Variants in FAM240A observed in about 807,000 individuals in gnomAD.
FAM240A encodes family with sequence similarity 240 member A.
FAM240A carries 8 observed loss-of-function variants against 7.3 expected under a neutral mutation model. The observed-to-expected ratio is 1.09, with a 90% CI of 0.64 to 1.97. The LOEUF is 1.97. FAM240A is among the 30% of genes most tolerant of loss of function. The pLI, the probability that FAM240A is intolerant of heterozygous loss-of-function variation, is 0.00. For missense variants in FAM240A, 90 were observed against 102.2 expected (o/e 0.88, Z 0.52); for synonymous variants, 32 against 35.9 (o/e 0.89, Z 0.38).
Position 46,612,652 on chromosome 3 carries a change from G to A in FAM240A, c.-32G>A, listed in dbSNP as rs1697579272. The A allele has an allele frequency of 6.5e-7, 1 of 1,533,494 alleles. No individual in the cohort carries two copies. The highest frequency in any genetic ancestry group is 1.2e-5 in the South Asian group (1 of 84,018). The allele number at this position is 1,533,494 out of a possible 1,614,324, so 95.0% of individuals were successfully genotyped here. On this transcript the variant is annotated 5_prime_UTR_variant, in exon 1 of 3. Transcript: ENST00000640551. Reference sequence around the variant, plus strand: ...CAGGCGGTCAAGTGCGACACATTTGGTTCGACTGAATCGATGTCTTCACAT... The same window carrying A: ...CAGGCGGTCAAGTGCGACACATTTGATTCGACTGAATCGATGTCTTCACAT...
chr3:46,619,609 TG>T (rs982969231), intron 2 of FAM240A, among the ~76,000 whole-genome samples: 2 of 152,180 alleles, frequency 1.3e-5, no homozygotes, highest in African/African-American at 2.4e-5. Flanking sequence ...TGCAGTCTTC[TG>T]GGGGTCCCAG....
chr3:46,612,765 G>A, intron 1 of FAM240A, 67 bp downstream of exon 1: 2 of 1,299,568 alleles, frequency 1.5e-6, no homozygotes, highest in African/African-American at 1.5e-5. Context: ...GTTATGGTTT[G>A]TCCAAGTTGG....
chr3:46,620,296 C>T (rs1697680117), intron 2 of FAM240A, among the ~76,000 whole-genome samples: 1 of 144,110 alleles, frequency 6.9e-6, no homozygotes, highest in Non-Finnish European at 1.5e-5. Flanking sequence ...ACAGCTCCTG[C>T]TGCAGAGCCC....
In FAM240A at chr3:46,625,309, C is replaced by T. The variant is rs1697744131; in HGVS notation, c.*91C>T. ...CAAATTCCTGAGTCCCTTTGCTATA[C>T]CAATCAGCTCTCACACTATTGTTTC... On this transcript the variant is annotated 3_prime_UTR_variant, in exon 3 of 3. Transcript: ENST00000640551. The T allele has an allele frequency of 7.0e-6, 6 of 859,430 alleles. No homozygotes were observed. The highest frequency in any genetic ancestry group is 1.1e-5 in the Non-Finnish European group (6 of 553,090). 53.2% of individuals were successfully genotyped at this position (859,430 alleles called of 1,614,324 possible).
Position 46,612,710 on chromosome 3 carries a change from T to C in FAM240A, c.15+12T>C. The C allele has an allele frequency of 6.5e-7, 1 of 1,533,320 alleles. No individual in the cohort carries two copies. The highest frequency in any genetic ancestry group is 1.4e-5 in the African/African-American group (1 of 73,120). 95.0% of individuals were successfully genotyped at this position (1,533,320 alleles called of 1,614,324 possible). On this transcript the variant is annotated intron_variant, in intron 1 of 2. Transcript: ENST00000640551. ...TGCGGTTGTTCTCTGTAAGTGTTAA[T>C]TAATTTGTTGATTTTGTGAAGTAAA...
At chr3:46,620,395 A>T in intron 2 of FAM240A, among the ~76,000 whole-genome samples, 1 of 80,414 alleles carries the variant, frequency 1.2e-5, no homozygotes, top group Non-Finnish European at 2.9e-5. Flanking sequence ...ATGAAAGTAA[A>T]TTGGATCTAA....
chr3:46,621,697 C>G (rs1286774533), intron 2 of FAM240A, among the ~76,000 whole-genome samples: 8 of 152,104 alleles, frequency 5.3e-5, no homozygotes, highest in African/African-American at 2.4e-5. Context: ...ATCACTTGAG[C>G]CTCGGGAGGT....
At chr3:46,622,089 A>G (rs1697703105) in intron 2 of FAM240A, among the ~76,000 whole-genome samples, 1 of 133,486 alleles carries the variant, frequency 7.5e-6, no homozygotes, top group African/African-American at 2.8e-5. Flanking sequence ...ATCAAGTCTA[A>G]TTTACGAGAA....
At chr3:46,624,264 ATTTT>A (rs59290700) in intron 2 of FAM240A, among the ~76,000 whole-genome samples, 15 of 96,500 alleles carry the variant, frequency 1.6e-4, no homozygotes, top group African/African-American at 3.9e-4. Context: ...ACGGTGGGCT[ATTTT>A]TTTTTTTTTT....
rs567107097 is a variant in FAM240A at position 46,616,259 on chromosome 3, C to T, written c.16-924C>T. On this transcript the variant is annotated intron_variant, in intron 1 of 2. Coordinates refer to ENST00000640551, the MANE Select transcript of FAM240A (RefSeq NM_001195442.2). ...GCAGAGGTCCTGTGGCTGGCCAGGT[C>T]TGTCTCATGTCAACAGCAGGGTCAG... Among the ~76,000 whole-genome samples the T allele has an allele frequency of 2.0e-3, 299 of 152,356 alleles. 2 individuals carry two copies. Among genetic ancestry groups the T allele is most frequent in the Admixed American group, 7.1e-3 (108 of 15,310 alleles).
chr3:46,617,123 T>G, intron 1 of FAM240A, 60 bp from the exon 2 acceptor site: 1 of 1,090,480 alleles, frequency 9.2e-7, no homozygotes, highest in Admixed American at 2.5e-5. Flanking sequence ...TGATGATGAG[T>G]GATGTTGAGC....
At chr3:46,619,829 T>C (rs768504023) in intron 2 of FAM240A, among the ~76,000 whole-genome samples, 7 of 152,186 alleles carry the variant, frequency 4.6e-5, no homozygotes, top group Non-Finnish European at 1.0e-4. Flanking sequence ...AGAAATGCCA[T>C]GTGCAAACAC....
At chr3:46,624,668 C>A (rs980535263) in intron 2 of FAM240A, among the ~76,000 whole-genome samples, 1 of 152,106 alleles carries the variant, frequency 6.6e-6, no homozygotes, top group Non-Finnish European at 1.5e-5. Flanking sequence ...ATGTGTACAT[C>A]CAGATTTCCA....
At chr3:46,614,139 G>A (rs2107138379) in intron 1 of FAM240A, among the ~76,000 whole-genome samples, 1 of 152,138 alleles carries the variant, frequency 6.6e-6, no homozygotes, top group East Asian at 1.9e-4. Context: ...GCCCAGCCTG[G>A]TCTCAAACTA....
chr3:46,616,936 C>A (rs184887543), intron 1 of FAM240A, among the ~76,000 whole-genome samples: 23 of 152,268 alleles, frequency 1.5e-4, no homozygotes, highest in African/African-American at 5.1e-4. Context: ...AATCTCCATA[C>A]TGTTTTCCAA....
intron 1 of FAM240A, among the ~76,000 whole-genome samples, chr3:46,616,690 T>TACAC (rs3087116): frequency 0.076 from 10,960 of 143,488 alleles, 402 homozygotes; most frequent in African/African-American, 0.084. Context: ...AGTATTCCAT[T>TACAC]ACACACACAC....
At chr3:46,616,407 G>GTT (rs1697629171) in intron 1 of FAM240A, among the ~76,000 whole-genome samples, 1 of 152,164 alleles carries the variant, frequency 6.6e-6, no homozygotes, top group African/African-American at 2.4e-5. Flanking sequence ...GTTGTATAGT[G>GTT]TTTAAGTCTT....
intron 1 of FAM240A, among the ~76,000 whole-genome samples, chr3:46,616,206 C>A (rs577507495): frequency 6.6e-6 from 1 of 152,244 alleles, no homozygotes; most frequent in South Asian, 2.1e-4. Context: ...CAGCAGCAAG[C>A]ACTGAGGCCA....
chr3:46,617,235 ATG>A lies in FAM240A; in HGVS notation c.69_70del (p.His23GlnfsTer54), dbSNP rs1697640375. 10 of 1,535,576 alleles carry A rather than the reference ATG, an allele frequency of 6.5e-6. No individual in the cohort carries two copies. The Admixed American group carries it at 2.0e-4, about 30-fold the overall frequency. The stretch of plus-strand genomic sequence containing the variant: ...GAGGTCTTCTGCCGGAACACCTGCC[ATG>A]ATCTCAAGCATTTCTGGGAAAGGGA... On this transcript the variant is annotated frameshift_variant, in exon 2 of 3. Transcript: ENST00000640551. LOFTEE classifies it high-confidence loss of function.
Sources: gnomAD v4.1 joint callset for allele counts (sites outside exome capture counted in the v4.1 genomes callset) on GRCh38, gnomAD v4.1.1 for gene constraint, MANE v1.5 for transcripts, NCBI Gene and HGNC (gene_info 2026-07-23, HGNC 2026-07-21) for gene names.